The following ANOS1 variants were observed in gnomAD, a reference collection of about 807,000 sequenced individuals.
The protein encoded by ANOS1 is anosmin-1.
ANOS1 carries 6 observed loss-of-function variants against 59.0 expected under a neutral mutation model. That is an observed-to-expected ratio of 0.10 (90% CI 0.06 to 0.20). The LOEUF (loss-of-function observed/expected upper bound fraction) is 0.20, where lower values mean the gene tolerates loss of function less well. Ranked by LOEUF, ANOS1 falls within the 10% of genes least tolerant of loss-of-function variation. The probability of loss-of-function intolerance (pLI) is 1.00; values close to 1 mark genes in which losing one functional copy is unlikely to be tolerated. For synonymous variants in ANOS1, 217 were observed against 223.4 expected (o/e 0.97, Z 0.25); for missense variants, 433 against 542.3 (o/e 0.80, Z 2.00).
intron 8 of ANOS1, among the ~76,000 whole-genome samples, chrX:8,564,638 T>C: frequency 8.9e-6 from 1 of 111,768 alleles, no homozygotes; most frequent in South Asian, 3.8e-4. Context: ...TGGGGAGGAA[T>C]GGGTCTAGAA....
intron 6 of ANOS1, 134 bp downstream of exon 6, chrX:8,585,133 G>T: frequency 1.4e-6 from 1 of 711,834 alleles, no homozygotes; most frequent in Non-Finnish European, 2.2e-6. Flanking sequence ...AACACATCTG[G>T]TCCCATTCTC....
chrX:8,677,047 G>A (rs747603305), intron 2 of ANOS1, among the ~76,000 whole-genome samples: 6 of 111,849 alleles, frequency 5.4e-5, no homozygotes, highest in Admixed American at 9.5e-5. Flanking sequence ...AGTGACAGTG[G>A]GGAATACTCT....
At chrX:8,703,760 G>A (rs1301535214) in intron 1 of ANOS1, among the ~76,000 whole-genome samples, 1 of 111,541 alleles carries the variant, frequency 9.0e-6, no homozygotes. Context: ...GAATAGGAGG[G>A]GAGATCAGGT....
At chrX:8,627,216 C>T (rs2146849400) in intron 2 of ANOS1, among the ~76,000 whole-genome samples, 1 of 112,358 alleles carries the variant, frequency 8.9e-6, no homozygotes, top group Non-Finnish European at 1.9e-5. Flanking sequence ...TTTGTTTTCT[C>T]TTATTGCTAA....
intron 6 of ANOS1, among the ~76,000 whole-genome samples, chrX:8,572,388 C>T (rs987051167): frequency 9.0e-6 from 1 of 111,089 alleles, no homozygotes; most frequent in South Asian, 3.9e-4. Context: ...TGCAGTCTTT[C>T]GTTTTCTGTT....
At chrX:8,624,011 C>CTTTTTT (rs566769185) in intron 2 of ANOS1, among the ~76,000 whole-genome samples, 74 of 69,340 alleles carry the variant, frequency 1.1e-3, no homozygotes, top group East Asian at 1.3e-3. Context: ...CTTTTCTTTT[C>CTTTTTT]TTTTTTTTTT....
intron 8 of ANOS1, among the ~76,000 whole-genome samples, chrX:8,558,165 C>T (rs1387863402): frequency 9.2e-6 from 1 of 108,515 alleles, no homozygotes; most frequent in East Asian, 2.9e-4. Context: ...CACACCAGGG[C>T]CTGTTGGGGG....
intron 2 of ANOS1, among the ~76,000 whole-genome samples, chrX:8,678,992 C>T (rs183771067): frequency 4.5e-5 from 5 of 111,540 alleles, no homozygotes; most frequent in Non-Finnish European, 7.5e-5. Flanking sequence ...CCAAACTCCA[C>T]GGCTCATATA....
chrX:8,723,072 G>T (rs778589314), intron 1 of ANOS1, among the ~76,000 whole-genome samples: 105 of 111,860 alleles, frequency 9.4e-4, no homozygotes, highest in Non-Finnish European at 1.5e-3. Context: ...GATGGATCAA[G>T]GACTTAAATC....
Position 8,585,506 on chromosome X carries a change from T to C in ANOS1, c.727-110A>G, listed in dbSNP as rs56186619. On this transcript the variant is annotated intron_variant, in intron 5 of 13. Coordinates refer to ENST00000262648, the MANE Select transcript of ANOS1 (RefSeq NM_000216.4). Reference sequence around the variant, plus strand: ...ACCCATCAGCCAATGCAACTCAGTCTGTCTTCCCCCTGATAAGAGGGGCTT... The same window carrying C: ...ACCCATCAGCCAATGCAACTCAGTCCGTCTTCCCCCTGATAAGAGGGGCTT... 0.086 allele frequency: 76,719 copies of C among 890,676 alleles called. 2,704 individuals are homozygous for C. Among genetic ancestry groups the C allele is most frequent in the Admixed American group, 0.17 (7,288 of 43,725 alleles). 73.4% of individuals were successfully genotyped at this position (890,676 alleles called of 1,213,427 possible).
intron 2 of ANOS1, among the ~76,000 whole-genome samples, chrX:8,626,748 C>G: frequency 9.3e-6 from 1 of 107,453 alleles, no homozygotes; most frequent in Non-Finnish European, 1.9e-5. Flanking sequence ...GTAGTCCTAG[C>G]TTCTCGGGAG....
At chrX:8,540,558 T>C (rs1929666514) in intron 9 of ANOS1, among the ~76,000 whole-genome samples, 1 of 110,687 alleles carries the variant, frequency 9.0e-6, no homozygotes, top group African/African-American at 3.3e-5. Flanking sequence ...ACTCAATGAG[T>C]GTGGGAAAGC....
intron 2 of ANOS1, among the ~76,000 whole-genome samples, chrX:8,691,688 C>G (rs920516134): frequency 3.6e-5 from 4 of 112,422 alleles, no homozygotes; most frequent in Non-Finnish European, 3.8e-5. Context: ...TTTTCATTAT[C>G]AATTTTCTAC....
At chrX:8,594,411 C>T (rs975942368) in intron 4 of ANOS1, among the ~76,000 whole-genome samples, 2 of 106,650 alleles carry the variant, frequency 1.9e-5, no homozygotes, top group South Asian at 8.7e-4. Context: ...GGCTTGTGTA[C>T]ATCAGTCCCC....
intron 8 of ANOS1, among the ~76,000 whole-genome samples, chrX:8,559,413 C>G (rs948913559): frequency 9.0e-6 from 1 of 111,316 alleles, no homozygotes; most frequent in Non-Finnish European, 1.9e-5. Context: ...CAAAACTGAA[C>G]AAGAAGGATT....
chrX:8,685,112 A>G (rs920303000), intron 2 of ANOS1, among the ~76,000 whole-genome samples: 2 of 111,323 alleles, frequency 1.8e-5, no homozygotes, highest in Non-Finnish European at 3.8e-5. Flanking sequence ...ACTTGCAATG[A>G]GTTAAAATGA....
intron 9 of ANOS1, among the ~76,000 whole-genome samples, chrX:8,545,061 C>CAAAAAAAAA (rs759787339): frequency 2.9e-4 from 6 of 20,439 alleles, no homozygotes; most frequent in African/African-American, 4.2e-4. Context: ...AGAGAAACTC[C>CAAAAAAAAA]AAAAAAAAAA....
At chrX:8,657,633 A>T (rs5978938) in intron 2 of ANOS1, among the ~76,000 whole-genome samples, 36,253 of 107,981 alleles carry the variant, frequency 0.34, 6,428 homozygotes, top group African/African-American at 0.68. Flanking sequence ...CACGCCAAAC[A>T]GATTTTTGTA....
At chrX:8,705,264 C>G (rs1469585944) in intron 1 of ANOS1, among the ~76,000 whole-genome samples, 1 of 111,801 alleles carries the variant, frequency 8.9e-6, no homozygotes, top group East Asian at 2.8e-4. Context: ...TCTCAAGCCC[C>G]TCATTCATCT....
Sources: allele counts gnomAD v4.1 joint callset (sites outside exome capture counted in the v4.1 genomes callset), GRCh38; gene constraint gnomAD v4.1.1; transcripts MANE v1.5; gene names NCBI Gene and HGNC (gene_info 2026-07-23, HGNC 2026-07-21).